Variants in ANKHD1 observed in about 807,000 individuals in gnomAD.
The protein encoded by ANKHD1 is ankyrin repeat and KH domain containing 1, also known as ankyrin repeat and KH domain-containing protein 1.
A neutral mutation model predicts 230.5 loss-of-function variants in ANKHD1; 31 were observed. The ratio of observed to expected loss-of-function variants is 0.13; its 90% CI spans 0.10 to 0.18. The LOEUF (loss-of-function observed/expected upper bound fraction) is 0.18, where lower values mean the gene tolerates loss of function less well. Ranked by LOEUF, ANKHD1 falls within the 10% of genes least tolerant of loss-of-function variation. The probability of loss-of-function intolerance (pLI) is 1.00; values close to 1 mark genes in which losing one functional copy is unlikely to be tolerated. For missense variants in ANKHD1, 2,256 were observed against 3,071.3 expected, an observed-to-expected ratio of 0.73 and a Z score of 6.27; for synonymous variants, 1,074 against 1,117.6, an observed-to-expected ratio of 0.96 and a Z score of 0.78.
At chr5:140,432,406 C>T (rs1773116399) in intron 1 of ANKHD1, among the ~76,000 whole-genome samples, 1 of 152,156 alleles carries the variant, frequency 6.6e-6, no homozygotes, top group African/African-American at 2.4e-5. Flanking sequence ...TCATGTATTT[C>T]TTCCTTTTGA....
chr5:140,402,371 G>A, intron 1 of ANKHD1, 98 bp downstream of exon 1: 2 of 1,368,210 alleles, frequency 1.5e-6, no homozygotes, highest in Non-Finnish European at 1.9e-6. Context: ...CCCTGGTGGA[G>A]CCCTTCTGTG....
chr5:140,408,186 G>A (rs1234720470), intron 1 of ANKHD1, among the ~76,000 whole-genome samples: 1 of 151,944 alleles, frequency 6.6e-6, no homozygotes, highest in Non-Finnish European at 1.5e-5. Flanking sequence ...CAAAAAATTA[G>A]AAAATAATAA....
intron 10 of ANKHD1, 110 bp downstream of exon 10, chr5:140,464,886 CT>C: frequency 9.0e-7 from 1 of 1,113,364 alleles, no homozygotes; most frequent in Non-Finnish European, 1.2e-6. Flanking sequence ...TATACAGTAA[CT>C]TAAAAAAGCT....
At chr5:140,413,599 T>C (rs1200722498) in intron 1 of ANKHD1, among the ~76,000 whole-genome samples, 4 of 152,224 alleles carry the variant, frequency 2.6e-5, no homozygotes, top group Non-Finnish European at 5.9e-5. Context: ...TTTGTCCTTC[T>C]GTGACTGGCT....
At chr5:140,505,335 T>C (rs143821066) in intron 17 of ANKHD1, 102 bp downstream of exon 17, 1 of 1,279,734 alleles carries the variant, frequency 7.8e-7, no homozygotes, top group African/African-American at 1.5e-5. Context: ...AGTGATAAGA[T>C]GGATAAGTAT....
rs770592145 is a variant in ANKHD1, at chr5:140,538,988, G to T, written c.7474G>T (p.Gly2492Cys). Residue 2492 changes from glycine (G) to cysteine (C), a missense_variant, in exon 33 of 34, where the codon GGC becomes TGC. Physicochemically the swap from Gly to Cys is radical, Grantham distance 159 (BLOSUM62 -3). Transcript: ENST00000360839. ...SHPQLADVPGGPLFNGLHNPD... is the reference protein window; with the variant it reads ...SHPQLADVPGCPLFNGLHNPD... ...TCCTCAGCTTGCTGATGTTCCAGGA[G>T]GCCCTCTGTTTAATGGACTTCACAA... is the stretch of plus-strand genomic sequence containing the variant. 1 of 1,611,312 alleles carries T rather than the reference G, an allele frequency of 6.2e-7. No homozygotes were observed.
chr5:140,430,991 G>A (rs928227355), intron 1 of ANKHD1, among the ~76,000 whole-genome samples: 1 of 152,118 alleles, frequency 6.6e-6, no homozygotes, highest in Non-Finnish European at 1.5e-5. Flanking sequence ...TAATGCTAAT[G>A]CAATCTGAAT....
intron 14 of ANKHD1, among the ~76,000 whole-genome samples, chr5:140,492,789 T>C (rs1350766733): frequency 6.6e-6 from 1 of 152,160 alleles, no homozygotes; most frequent in Non-Finnish European, 1.5e-5. Flanking sequence ...TTTTTCCCAT[T>C]GGCCATTATT....
chr5:140,409,465 A>G (rs1770746346), intron 1 of ANKHD1, among the ~76,000 whole-genome samples: 1 of 152,208 alleles, frequency 6.6e-6, no homozygotes, highest in Non-Finnish European at 1.5e-5. Flanking sequence ...CATAGGAAAT[A>G]TAACTTTGTA....
chr5:140,443,880 T>C (rs959126788), intron 5 of ANKHD1, among the ~76,000 whole-genome samples: 7 of 152,130 alleles, frequency 4.6e-5, no homozygotes, highest in African/African-American at 1.7e-4. Flanking sequence ...GGAGTTGATC[T>C]AAAGTAGAGA....
intron 14 of ANKHD1, among the ~76,000 whole-genome samples, chr5:140,487,546 A>G (rs1751565748): frequency 6.6e-6 from 1 of 152,234 alleles, no homozygotes; most frequent in Non-Finnish European, 1.5e-5. Context: ...GTGAACCTGG[A>G]CAAATAACTA....
chr5:140,434,125 G>A (rs1773266344), intron 1 of ANKHD1, among the ~76,000 whole-genome samples: 1 of 151,994 alleles, frequency 6.6e-6, no homozygotes, highest in African/African-American at 2.4e-5. Context: ...TCTTTATTAG[G>A]CTATATTTAT....
rs143878525 is a variant in ANKHD1, at chr5:140,449,736, A to T, written c.1242+431A>T. On this transcript the variant is annotated intron_variant, in intron 7 of 33. Coordinates refer to ENST00000360839, the MANE Select transcript of ANKHD1 (RefSeq NM_017747.3). ...CTTAATGCTAAATTAAACAAAGTTG[A>T]TGCTTGAATGCATCTGCTTTTGGAA... is the stretch of plus-strand genomic sequence containing the variant. Among the ~76,000 whole-genome samples, 556 of 135,844 alleles carry T rather than the reference A, an allele frequency of 4.1e-3. 7 individuals carry two copies. Among genetic ancestry groups the T allele is most frequent in the African/African-American group, 0.015 (542 of 37,096 alleles). 89.1% of individuals were successfully genotyped at this position (135,844 alleles called of 152,430 possible).
chr5:140,487,200 T>TA (rs2127020830), intron 14 of ANKHD1, 140 bp downstream of exon 14: 1 of 975,328 alleles, frequency 1.0e-6, no homozygotes, highest in African/African-American at 1.7e-5. Flanking sequence ...CAAATAGTCT[T>TA]ACTATCTAAA....
intron 1 of ANKHD1, among the ~76,000 whole-genome samples, chr5:140,427,610 C>T (rs1164236999): frequency 6.8e-6 from 1 of 147,844 alleles, no homozygotes; most frequent in Admixed American, 6.7e-5. Flanking sequence ...GACGCCCCCA[C>T]CTCCCTCCCG....
Position 140,507,035 on chromosome 5 carries a change from G to A in ANKHD1, c.3551+58G>A, listed in dbSNP as rs1704600576. 4.4e-6 allele frequency: 7 copies of A among 1,591,448 alleles called. No individual in the cohort carries two copies. The highest frequency in any genetic ancestry group is 6.0e-6 in the Non-Finnish European group (7 of 1,171,688). ...GTAAGTTACTACTTTGGACTTAAAT[G>A]TCTACCTCTTAACGTTTAGACAGAT... is the stretch of plus-strand genomic sequence containing the variant. On this transcript the variant is annotated intron_variant, in intron 19 of 33. Transcript: ENST00000360839. This position sits in a 1 kb window ranked among gnomAD's most constrained non-coding sequence, Gnocchi z 4.1.
Position 140,539,524 on chromosome 5 carries a change from GCAATGGAAATTTGATTGCC to G in ANKHD1, c.*109_*127del, listed in dbSNP as rs1452055755. The G allele has an allele frequency of 5.4e-6, 7 of 1,285,004 alleles. No homozygotes were observed. The highest frequency in any genetic ancestry group is 1.5e-5 in the African/African-American group (1 of 66,604). 79.6% of individuals were successfully genotyped at this position (1,285,004 alleles called of 1,614,324 possible). On this transcript the variant is annotated 3_prime_UTR_variant, in exon 34 of 34. Transcript: ENST00000360839. ...CTAAGAAATTTTCTCTGAGGCTTTA[GCAATGGAAATTTGATTGCC>G]CATTGTATAAGAACAAATTGATTTC...
At chr5:140,510,597 C>T (rs1752723643) in intron 22 of ANKHD1, among the ~76,000 whole-genome samples, 1 of 151,816 alleles carries the variant, frequency 6.6e-6, no homozygotes, top group South Asian at 2.1e-4. Context: ...AGGCTCCCGA[C>T]CTTATCTTTC....
In ANKHD1 at chr5:140,529,229, C is replaced by A. The variant is rs762163923; in HGVS notation, c.6283C>A (p.Pro2095Thr). ...GTCTGATTTAAGTCCTATGTCAATG[C>A]CTTTTGCATCTAACTCAGAACCTGC... is the stretch of plus-strand genomic sequence containing the variant. ...SVSDLSPMSM[P>T]FASNSEPAPL... The change falls in exon 29 of 34, where the codon CCT becomes ACT. Residue 2095 changes from proline to threonine, a missense_variant. Pro to Thr is a conservative substitution (Grantham distance 38, BLOSUM62 -1). Transcript: ENST00000360839. 1 of 1,614,194 alleles carries A rather than the reference C, an allele frequency of 6.2e-7. No individual in the cohort carries two copies. The highest frequency in any genetic ancestry group is 1.1e-5 in the South Asian group (1 of 91,082).
Sources: allele counts gnomAD v4.1 joint callset (sites outside exome capture counted in the v4.1 genomes callset), GRCh38; gene constraint gnomAD v4.1.1; non-coding constraint Gnocchi (gnomAD v3.1); transcripts MANE v1.5; gene names NCBI Gene and HGNC (gene_info 2026-07-23, HGNC 2026-07-21).